The following ARID1B variants were observed in gnomAD, a reference collection of about 807,000 sequenced individuals.
ARID1B encodes AT-rich interactive domain-containing protein 1B.
ARID1B carries 30 observed loss-of-function variants against 212.3 expected under a neutral mutation model. That is an observed-to-expected ratio of 0.14 (90% CI 0.11 to 0.19). The LOEUF is 0.19. Among genes scored for constraint, ARID1B ranks in the 10% least tolerant of loss-of-function variants. The pLI is 1.00. For missense variants in ARID1B, 2,891 were observed against 3,204.0 expected (o/e 0.90, Z 2.36); for synonymous variants, 1,402 against 1,301.7 (o/e 1.08, Z -1.66).
At chr6:156,875,267 T>C (rs1006000111) in intron 2 of ARID1B, among the ~76,000 whole-genome samples, 1 of 152,186 alleles carries the variant, frequency 6.6e-6, no homozygotes, top group Non-Finnish European at 1.5e-5. Flanking sequence ...TCATAGGAAA[T>C]GGTTGTGGTT....
intron 3 of ARID1B, among the ~76,000 whole-genome samples, chr6:156,909,054 C>T (rs943065847): frequency 6.6e-6 from 1 of 150,786 alleles, no homozygotes; most frequent in African/African-American, 2.4e-5. Context: ...AGATACATTT[C>T]TTCTCAAAAT....
At chr6:156,976,967 C>T (rs1777288955) in intron 4 of ARID1B, 1 of 534,826 alleles carries the variant, frequency 1.9e-6, no homozygotes, top group Non-Finnish European at 3.7e-6. Flanking sequence ...TGCTTCCATC[C>T]TGCCAGTTTG....
intron 4 of ARID1B, among the ~76,000 whole-genome samples, chr6:157,044,271 A>G (rs1017981870): frequency 2.0e-5 from 3 of 152,220 alleles, no homozygotes; most frequent in African/African-American, 7.2e-5. Context: ...ATTTTATTTT[A>G]TCTTTTTAAA....
At chr6:156,880,758 A>G (rs1470775161) in intron 2 of ARID1B, among the ~76,000 whole-genome samples, 6 of 94,340 alleles carry the variant, frequency 6.4e-5, no homozygotes, top group Non-Finnish European at 1.2e-4. Flanking sequence ...AAAAAAAAAA[A>G]AAAAAAGAAA....
upstream of ARID1B, chr6:156,776,705 A>C (rs1185160278): frequency 6.6e-6 from 1 of 152,236 alleles, no homozygotes; most frequent in Non-Finnish European, 1.5e-5. Flanking sequence ...ACAAACCTAC[A>C]TACGTGTTTA....
intron 1 of ARID1B, among the ~76,000 whole-genome samples, chr6:156,812,069 A>G (rs530445181): frequency 6.6e-6 from 1 of 152,360 alleles, no homozygotes; most frequent in Non-Finnish European, 1.5e-5. Flanking sequence ...TGCCGAGGGC[A>G]CAGGAGGTGC....
At chr6:156,821,728 A>G (rs1782368188) in intron 1 of ARID1B, among the ~76,000 whole-genome samples, 1 of 152,220 alleles carries the variant, frequency 6.6e-6, no homozygotes, top group Admixed American at 6.5e-5. Context: ...TAAGTCTGGG[A>G]TCTTTGGATG....
intron 4 of ARID1B, among the ~76,000 whole-genome samples, chr6:157,076,321 T>G (rs939264042): frequency 6.6e-5 from 10 of 151,676 alleles, no homozygotes; most frequent in East Asian, 1.9e-4. Flanking sequence ...GTTTTGTTTT[T>G]TTTTCCTCCA....
intron 2 of ARID1B, among the ~76,000 whole-genome samples, chr6:156,862,973 G>A (rs976953947): frequency 2.0e-5 from 3 of 152,238 alleles, no homozygotes; most frequent in Non-Finnish European, 2.9e-5. Flanking sequence ...TGGCGTCAGT[G>A]CCTTGACGGA....
intron 3 of ARID1B, among the ~76,000 whole-genome samples, chr6:156,923,695 G>T (rs1001178342): frequency 2.6e-5 from 4 of 151,316 alleles, no homozygotes; most frequent in African/African-American, 9.7e-5. Context: ...AGTTCTATTA[G>T]TTGATTCTCT....
At chr6:157,151,898 A>G (rs1187498863) in intron 8 of ARID1B, 2 of 152,274 alleles carry the variant, frequency 1.3e-5, no homozygotes, top group African/African-American at 4.8e-5. Context: ...TTATTTAGAC[A>G]GAACAAATGA....
intron 2 of ARID1B, among the ~76,000 whole-genome samples, chr6:156,862,743 G>T (rs977321850): frequency 6.6e-6 from 1 of 152,174 alleles, no homozygotes; most frequent in Admixed American, 6.5e-5. Context: ...TTGTGTGGGA[G>T]CCAGGAGTGC....
intron 4 of ARID1B, among the ~76,000 whole-genome samples, chr6:157,078,055 G>T (rs1430273707): frequency 6.6e-6 from 1 of 152,180 alleles, no homozygotes; most frequent in Non-Finnish European, 1.5e-5. Context: ...TCGTGTTTTA[G>T]CACTGACATG....
At chr6:157,196,570 CCGCCACAAGTCA>C (rs1442776495) in intron 16 of ARID1B, among the ~76,000 whole-genome samples, 2 of 152,176 alleles carry the variant, frequency 1.3e-5, no homozygotes, top group Non-Finnish European at 2.9e-5. Context: ...AGAGCCAGGG[CCGCCACAAGTCA>C]CGCTGGCACC....
At chr6:156,967,037 C>G (rs9478743) in intron 4 of ARID1B, among the ~76,000 whole-genome samples, 1 of 151,954 alleles carries the variant, frequency 6.6e-6, no homozygotes, top group Admixed American at 6.6e-5. Context: ...CTGGCTTTTT[C>G]TTTTAGTAAC....
intron 8 of ARID1B, among the ~76,000 whole-genome samples, chr6:157,155,026 T>C (rs1790486245): frequency 6.6e-6 from 1 of 152,206 alleles, no homozygotes; most frequent in South Asian, 2.1e-4. Flanking sequence ...CTTCCACCTC[T>C]TGCATTGAAA....
intron 19 of ARID1B, 184 bp downstream of exon 19, chr6:157,204,180 T>C (rs886816980): frequency 4.1e-6 from 3 of 732,566 alleles, no homozygotes; most frequent in Non-Finnish European, 4.5e-6. Context: ...CACTGTAGTC[T>C]TTAGTGTGTG....
chr6:156,832,669 A>G (rs1223340194), intron 2 of ARID1B, among the ~76,000 whole-genome samples: 1 of 152,126 alleles, frequency 6.6e-6, no homozygotes, highest in Non-Finnish European at 1.5e-5. Context: ...TGCTCCTGTG[A>G]TATGAATTTT....
intron 3 of ARID1B, among the ~76,000 whole-genome samples, chr6:156,914,019 G>A (rs937819840): frequency 6.0e-5 from 8 of 133,978 alleles, no homozygotes; most frequent in African/African-American, 2.4e-4. Context: ...CCAGCCCGTG[G>A]TGCCCCCATT....
Sources: gnomAD v4.1 joint callset for allele counts (sites outside exome capture counted in the v4.1 genomes callset) on GRCh38, gnomAD v4.1.1 for gene constraint, MANE v1.5 for transcripts, NCBI Gene and HGNC (gene_info 2026-07-23, HGNC 2026-07-21) for gene names.